MYRIP: variants seen among roughly 807,000 people sequenced by gnomAD.
MYRIP encodes the protein myosin VIIA and Rab interacting protein.
Under a neutral mutation model 98.0 loss-of-function variants are expected in MYRIP, and 49 were observed. The ratio of observed to expected loss-of-function variants is 0.50; its 90% CI spans 0.40 to 0.63. MYRIP has a LOEUF of 0.63. Among genes scored for constraint, MYRIP ranks in the 30% least tolerant of loss-of-function variants. MYRIP has a pLI of 0.00. For missense variants in MYRIP, 1,004 were observed against 1,058.2 expected (o/e 0.95, Z 0.71); for synonymous variants, 404 against 409.5 (o/e 0.99, Z 0.16).
At chr3:40,204,149 TATAA>T (rs1466928003) in intron 10 of MYRIP, among the ~76,000 whole-genome samples, 1 of 19,302 alleles carries the variant, frequency 5.2e-5, no homozygotes, top group African/African-American at 1.5e-4. Flanking sequence ...TTATATAATA[TATAA>T]ATATATAATA....
chr3:39,903,458 T>C (rs1182645274), intron 2 of MYRIP, among the ~76,000 whole-genome samples: 1 of 152,178 alleles, frequency 6.6e-6, no homozygotes, highest in Admixed American at 6.5e-5. Flanking sequence ...AGGTTAGGTC[T>C]TGAGTGTAGT....
chr3:39,956,133 A>C (rs954221506), intron 2 of MYRIP, among the ~76,000 whole-genome samples: 33 of 152,190 alleles, frequency 2.2e-4, no homozygotes, highest in African/African-American at 6.5e-4. Flanking sequence ...ACAGAAACTT[A>C]ACAAGGATAT....
chr3:39,879,593 T>C (rs893163526), intron 1 of MYRIP, among the ~76,000 whole-genome samples: 1 of 152,224 alleles, frequency 6.6e-6, no homozygotes, highest in African/African-American at 2.4e-5. Context: ...GTTAGACTTA[T>C]GGTGAATATC....
chr3:39,923,282 A>C (rs1944344428), intron 2 of MYRIP, among the ~76,000 whole-genome samples: 1 of 152,146 alleles, frequency 6.6e-6, no homozygotes, highest in Non-Finnish European at 1.5e-5. Flanking sequence ...AAGTACTTGA[A>C]GAAATAATGG....
intron 1 of MYRIP, among the ~76,000 whole-genome samples, chr3:39,886,909 C>T (rs1309878007): frequency 6.6e-6 from 1 of 152,106 alleles, no homozygotes; most frequent in African/African-American, 2.4e-5. Flanking sequence ...CCACACCACA[C>T]CTATTCCAAA....
intron 2 of MYRIP, among the ~76,000 whole-genome samples, chr3:39,929,910 A>G (rs1388372398): frequency 6.6e-6 from 1 of 152,002 alleles, no homozygotes; most frequent in Admixed American, 6.6e-5. Flanking sequence ...TCAGTATTTC[A>G]TCCACTTTTA....
At chr3:39,853,423 T>G (rs1942198279) in intron 1 of MYRIP, among the ~76,000 whole-genome samples, 1 of 152,160 alleles carries the variant, frequency 6.6e-6, no homozygotes, top group South Asian at 2.1e-4. Flanking sequence ...CATCTATTAT[T>G]TTTTTTATTT....
At chr3:39,831,123 C>G (rs1002471408) in intron 1 of MYRIP, among the ~76,000 whole-genome samples, 1 of 152,260 alleles carries the variant, frequency 6.6e-6, no homozygotes, top group Non-Finnish European at 1.5e-5. Context: ...CCTTCTAAAT[C>G]TCTGGAAGTT....
At chr3:39,846,465 T>A (rs906349013) in intron 1 of MYRIP, among the ~76,000 whole-genome samples, 1 of 152,180 alleles carries the variant, frequency 6.6e-6, no homozygotes, top group Non-Finnish European at 1.5e-5. Flanking sequence ...TCTTCCCAGA[T>A]GTGCATTTCA....
chr3:39,918,279 ACT>A (rs372464993), intron 2 of MYRIP, among the ~76,000 whole-genome samples: 101 of 152,186 alleles, frequency 6.6e-4, no homozygotes, highest in African/African-American at 2.3e-3. Flanking sequence ...GCTCAAATAA[ACT>A]CTATATTTAA....
At chr3:40,068,908 T>C (rs923831785) in intron 3 of MYRIP, among the ~76,000 whole-genome samples, 1 of 152,214 alleles carries the variant, frequency 6.6e-6, no homozygotes, top group Admixed American at 6.5e-5. Flanking sequence ...TTCATCATGC[T>C]TTTGTGGACA....
intron 1 of MYRIP, among the ~76,000 whole-genome samples, chr3:39,896,430 C>A (rs1436863748): frequency 6.6e-6 from 1 of 152,194 alleles, no homozygotes; most frequent in East Asian, 1.9e-4. Context: ...ACAGCCTAAG[C>A]ACCACTTGCT....
intron 4 of MYRIP, among the ~76,000 whole-genome samples, chr3:40,159,079 C>A (rs964365735): frequency 1.3e-5 from 2 of 151,866 alleles, no homozygotes; most frequent in African/African-American, 4.8e-5. Context: ...GATGCAGTTT[C>A]TTCCTAGTCT....
At chr3:40,013,500 G>A (rs1946803433) in intron 2 of MYRIP, among the ~76,000 whole-genome samples, 1 of 152,230 alleles carries the variant, frequency 6.6e-6, no homozygotes, top group Non-Finnish European at 1.5e-5. Context: ...ATCAGAACAT[G>A]TGTCTTCATC....
At chr3:39,878,089 T>G (rs1466258407) in intron 1 of MYRIP, among the ~76,000 whole-genome samples, 3 of 152,232 alleles carry the variant, frequency 2.0e-5, no homozygotes, top group African/African-American at 7.2e-5. Flanking sequence ...CCTTGCAGTT[T>G]GATCTCAGAC....
chr3:40,181,319 T>C (rs1950878227), intron 8 of MYRIP, among the ~76,000 whole-genome samples: 1 of 152,140 alleles, frequency 6.6e-6, no homozygotes. Flanking sequence ...CTTTGTCTCC[T>C]AGGCTAGGTA....
intron 2 of MYRIP, among the ~76,000 whole-genome samples, chr3:40,013,013 T>C (rs1946795246): frequency 6.6e-6 from 1 of 152,204 alleles, no homozygotes; most frequent in Non-Finnish European, 1.5e-5. Flanking sequence ...GAGTGTCTGG[T>C]CTGCACTTAC....
intron 4 of MYRIP, among the ~76,000 whole-genome samples, chr3:40,158,571 G>C (rs1231550156): frequency 1.3e-5 from 2 of 152,086 alleles, no homozygotes; most frequent in African/African-American, 4.8e-5. Flanking sequence ...CTGTCTCGTT[G>C]ATCTGTCTAA....
At chr3:40,046,689 GGATGATGGCAAGT>G (rs1485159678) in intron 3 of MYRIP, among the ~76,000 whole-genome samples, 3 of 151,378 alleles carry the variant, frequency 2.0e-5, no homozygotes, top group Non-Finnish European at 4.4e-5. Context: ...TATTGAAGCG[GGATGATGGCAAGT>G]GATTGGGTCA....
Sources: gnomAD v4.1 joint callset for allele counts (sites outside exome capture counted in the v4.1 genomes callset) on GRCh38, gnomAD v4.1.1 for gene constraint, MANE v1.5 for transcripts, NCBI Gene and HGNC (gene_info 2026-07-23, HGNC 2026-07-21) for gene names.